The following HUNK variants were observed in gnomAD, a reference collection of about 807,000 sequenced individuals.
The protein encoded by HUNK is hormonally up-regulated neu tumor-associated kinase.
Under a neutral mutation model 61.0 loss-of-function variants are expected in HUNK, and 21 were observed. The observed-to-expected ratio is 0.34, with a 90% confidence interval of 0.24 to 0.50. The LOEUF (loss-of-function observed/expected upper bound fraction) is 0.50, where lower values mean the gene tolerates loss of function less well. Ranked by LOEUF, HUNK falls within the 20% of genes least tolerant of loss-of-function variation. The pLI is 0.98. For synonymous variants in HUNK, 371 were observed against 386.1 expected, an observed-to-expected ratio of 0.96 and a Z score of 0.46; for missense variants, 772 against 945.7, an observed-to-expected ratio of 0.82 and a Z score of 2.41.
At chr21:31,933,993 T>C (rs1269120280) in intron 2 of HUNK, among the ~76,000 whole-genome samples, 1 of 152,098 alleles carries the variant, frequency 6.6e-6, no homozygotes, top group Admixed American at 6.6e-5. Context: ...TTCACCTTCC[T>C]TCCCTTAAAG....
chr21:31,958,225 A>G (rs141316233), intron 4 of HUNK, among the ~76,000 whole-genome samples: 48 of 132,164 alleles, frequency 3.6e-4, no homozygotes, highest in African/African-American at 1.3e-3. Context: ...TGCTCTTGAA[A>G]CTCCTGCTTT....
chr21:31,928,681 G>T (rs979604461), intron 2 of HUNK, among the ~76,000 whole-genome samples: 2 of 152,160 alleles, frequency 1.3e-5, no homozygotes, highest in African/African-American at 4.8e-5. Context: ...AGGTGGTTGA[G>T]ACCTCACATT....
At chr21:31,979,656 C>A (rs1158238711) in intron 7 of HUNK, among the ~76,000 whole-genome samples, 1 of 150,496 alleles carries the variant, frequency 6.6e-6, no homozygotes. Flanking sequence ...GCTGGGACTA[C>A]AGGCACCTGC....
At chr21:31,908,447 C>T (rs946978634) in intron 1 of HUNK, among the ~76,000 whole-genome samples, 1 of 151,874 alleles carries the variant, frequency 6.6e-6, no homozygotes, top group Non-Finnish European at 1.5e-5. Flanking sequence ...CAGGAAGGAA[C>T]CTTTCGGAGG....
In HUNK at chr21:31,998,682, C is replaced by T. The variant is rs775359048; in HGVS notation, c.1643C>T (p.Pro548Leu). 3 of 1,614,096 alleles carry T rather than the reference C, an allele frequency of 1.9e-6. No individual in the cohort carries two copies. Among genetic ancestry groups the T allele is most frequent in the Admixed American group, 1.7e-5 (1 of 60,012 alleles). The change falls in exon 11 of 11, where the codon CCC (proline) becomes CTC (leucine). Residue 548 changes from proline (P) to leucine (L), a missense_variant. By Grantham distance (98) the Pro-to-Leu change is moderately conservative. Transcript: ENST00000270112. ...HQPGPGSTGI[P>L]HKEDPLMLDM... Reference sequence around the variant, plus strand: ...CCAGGGCCCGGAAGCACTGGCATCCCCCACAAGGAAGACCCCCTGATGCTG... The same window carrying T: ...CCAGGGCCCGGAAGCACTGGCATCCTCCACAAGGAAGACCCCCTGATGCTG...
At chr21:31,892,224 G>T (rs1195444896) in intron 1 of HUNK, among the ~76,000 whole-genome samples, 1 of 149,366 alleles carries the variant, frequency 6.7e-6, no homozygotes, top group African/African-American at 2.5e-5. Context: ...GTGTGTGTGT[G>T]TGTGTGTACA....
chr21:31,940,199 G>A lies in HUNK; in HGVS notation c.589G>A (p.Asp197Asn), dbSNP rs1289261758. 1.9e-6 allele frequency: 3 copies of A among 1,587,564 alleles called. No homozygotes were observed. Among genetic ancestry groups the A allele is most frequent in the Admixed American group, 1.8e-5 (1 of 57,084 alleles). The change falls in exon 3 of 11, where the codon GAC (aspartate) becomes AAC (asparagine). Residue 197 changes from aspartate (D) to asparagine (N), a missense_variant. By Grantham distance (23) the Asp-to-Asn change is conservative. Around this residue, in one of 2 missense-constraint regions of HUNK, gnomAD observed 359 missense variants for 501.3 expected, o/e 0.72. Transcript: ENST00000270112. The part of the protein sequence containing the change: ...LKIENLLLDE[D>N]NNIKLIDFGL... Reference sequence around the variant, plus strand: ...GATAGAGAATTTGCTACTAGATGAAGACAATAATATCAAGCTGATTGGTAT... The same window carrying A: ...GATAGAGAATTTGCTACTAGATGAAAACAATAATATCAAGCTGATTGGTAT...
chr21:31,968,498 CTT>C (rs898320107), intron 6 of HUNK, 113 bp downstream of exon 6: 107 of 1,248,416 alleles, frequency 8.6e-5, no homozygotes, highest in Non-Finnish European at 1.1e-4. Context: ...CGCGCTCTCT[CTT>C]GGCTATCTCC....
At position 31,873,843 on chromosome 21, in the gene HUNK, C is replaced by A. The variant is rs867091245; in HGVS notation, c.169C>A (p.Arg57Ser). The A allele has an allele frequency of 6.3e-7, 1 of 1,585,984 alleles. No individual in the cohort carries two copies. The highest frequency in any genetic ancestry group is 8.6e-7 in the Non-Finnish European group (1 of 1,168,594). ...GCTCCGCGACTTCCAGCACCACAAG[C>A]GCGTGGGCAACTACCTCATCGGCAG... is the stretch of plus-strand genomic sequence containing the variant. ...ERLRDFQHHK[R>S]VGNYLIGSRK... Residue 57 changes from arginine (R) to serine (S), a missense_variant, in exon 1 of 11, where the codon CGC becomes AGC. Around this residue, in one of 2 missense-constraint regions of HUNK, gnomAD observed 359 missense variants for 501.3 expected, o/e 0.72. Coordinates refer to ENST00000270112, the MANE Select transcript of HUNK (RefSeq NM_014586.2). This position sits in a 1 kb window ranked among gnomAD's most constrained non-coding sequence, Gnocchi z 6.1.
chr21:31,964,588 A>C (rs1036280039), intron 5 of HUNK, among the ~76,000 whole-genome samples: 2 of 152,204 alleles, frequency 1.3e-5, no homozygotes, highest in Non-Finnish European at 2.9e-5. Flanking sequence ...GCCTGTGGCC[A>C]TGCCTGGCAT....
chr21:31,958,734 A>C, intron 4 of HUNK, 109 bp from the exon 5 acceptor site: 1 of 1,012,184 alleles, frequency 9.9e-7, no homozygotes, highest in Non-Finnish European at 1.4e-6. Flanking sequence ...GGGCCTGTTG[A>C]GGTTGGCATG....
chr21:31,950,721 A>C (rs566935900), intron 4 of HUNK, among the ~76,000 whole-genome samples: 2 of 152,286 alleles, frequency 1.3e-5, no homozygotes, highest in East Asian at 3.9e-4. Context: ...GAAATGGAAA[A>C]CCAAAATTGA....
At chr21:31,997,957 AC>A (rs1233333294) in intron 10 of HUNK, among the ~76,000 whole-genome samples, 1 of 151,816 alleles carries the variant, frequency 6.6e-6, no homozygotes, top group Non-Finnish European at 1.5e-5. Context: ...TCACTCTGTC[AC>A]CCAGGCTGCA....
chr21:31,950,728 T>C (rs546801798), intron 4 of HUNK, among the ~76,000 whole-genome samples: 1 of 152,274 alleles, frequency 6.6e-6, no homozygotes, highest in African/African-American at 2.4e-5. Flanking sequence ...AAAACCAAAA[T>C]TGAATTTAAT....
chr21:31,887,389 A>AT (rs1333514344), intron 1 of HUNK, among the ~76,000 whole-genome samples: 2 of 152,144 alleles, frequency 1.3e-5, no homozygotes, highest in African/African-American at 2.4e-5. Flanking sequence ...TTTGACTGTA[A>AT]TTTTTTTATA....
chr21:31,999,256 G>A lies in HUNK; in HGVS notation c.*72G>A. On this transcript the variant is annotated 3_prime_UTR_variant, in exon 11 of 11. Transcript: ENST00000270112. ...CAGAGCTCCACACATCTGTCAGGGT[G>A]TGAGCACTCCAAGGCCTCGCGTGGA... The A allele has an allele frequency of 7.2e-7, 1 of 1,398,516 alleles. No homozygotes were observed. The allele number at this position is 1,398,516 out of a possible 1,614,324, so 86.6% of individuals were successfully genotyped here.
intron 1 of HUNK, among the ~76,000 whole-genome samples, chr21:31,911,625 G>C (rs2052546346): frequency 6.6e-6 from 1 of 152,110 alleles, no homozygotes; most frequent in South Asian, 2.1e-4. Context: ...TAGCCTTCCT[G>C]TCCCTCTAGA....
In HUNK at chr21:31,992,416, A is replaced by G. The variant is rs116267476; in HGVS notation, c.1305+2240A>G. On this transcript the variant is annotated intron_variant, in intron 9 of 10. Transcript: ENST00000270112. ...TTTGCAAATGTCCGTGCACATCCGC[A>G]GTGGGTGGAAATAGTTGATAGAGAA... Among the ~76,000 whole-genome samples the G allele has an allele frequency of 8.5e-3, 1,289 of 152,342 alleles. 17 individuals carry two copies. The highest frequency in any genetic ancestry group is 0.028 in the African/African-American group (1,174 of 41,578).
Position 31,873,696 on chromosome 21 carries a change from G to C in HUNK, c.22G>C (p.Gly8Arg). Reference sequence around the variant, plus strand: ...CGCGATGCCGGCGGCGGCGGGGGACGGGCTCCTGGGGGAGCCGGCGGCGCC... The same window carrying C: ...CGCGATGCCGGCGGCGGCGGGGGACCGGCTCCTGGGGGAGCCGGCGGCGCC... MPAAAGD[G>R]LLGEPAAPGG... Residue 8 changes from glycine to arginine, a missense_variant, in exon 1 of 11, where the codon GGG (glycine) becomes CGG (arginine). By Grantham distance (125) the Gly-to-Arg change is moderately radical. Transcript: ENST00000270112. The surrounding 1 kb of genome is among the most constrained non-coding windows in gnomAD (Gnocchi z 6.1). 1 of 1,106,328 alleles carries C rather than the reference G, an allele frequency of 9.0e-7. No homozygotes were observed. 68.5% of individuals were successfully genotyped at this position (1,106,328 alleles called of 1,614,324 possible).
Sources: gnomAD v4.1 joint callset for allele counts (sites outside exome capture counted in the v4.1 genomes callset) on GRCh38, gnomAD v4.1.1 for gene constraint, gnomAD v4.1.1 regional missense constraint, Gnocchi (gnomAD v3.1) non-coding constraint, MANE v1.5 for transcripts, NCBI Gene and HGNC (gene_info 2026-07-23, HGNC 2026-07-21) for gene names.